The following SORCS2 variants were observed in gnomAD, a reference collection of about 807,000 sequenced individuals.
The protein encoded by SORCS2 is sortilin related VPS10 domain containing receptor 2.
Under a neutral mutation model 141.6 loss-of-function variants are expected in SORCS2, and 100 were observed. That is an observed-to-expected ratio of 0.71 (90% CI 0.60 to 0.83). The LOEUF is 0.83. SORCS2 is among the 40% of genes least tolerant of loss of function. The pLI is 0.00. For synonymous variants in SORCS2, 789 were observed against 676.9 expected, an observed-to-expected ratio of 1.17 and a Z score of -2.57; for missense variants, 1,646 against 1,560.2, an observed-to-expected ratio of 1.05 and a Z score of -0.93.
rs376755804 is a variant in SORCS2 at position 7,318,167 on chromosome 4, T to C, written c.481-78121T>C. On this transcript the variant is annotated intron_variant, in intron 1 of 26. Transcript: ENST00000507866. Reference sequence around the variant, plus strand: ...TGCATATATACTTGGTTTGGTCCTCTTGTGATCCTGTTGGTAGGTATCTGT... The same window carrying C: ...TGCATATATACTTGGTTTGGTCCTCCTGTGATCCTGTTGGTAGGTATCTGT... 1.3e-4 allele frequency among the ~76,000 whole-genome samples: 20 copies of C among 152,324 alleles called. No homozygotes were observed. In the South Asian group the frequency reaches 3.7e-3, roughly 28 times the overall value.
intron 1 of SORCS2, among the ~76,000 whole-genome samples, chr4:7,259,867 C>T (rs528496436): frequency 1.3e-3 from 204 of 152,360 alleles, no homozygotes; most frequent in African/African-American, 4.6e-3. Flanking sequence ...GAGATTTGCT[C>T]ATGCGTGGAG....
intron 3 of SORCS2, among the ~76,000 whole-genome samples, chr4:7,616,841 G>A (rs1281514759): frequency 6.6e-6 from 1 of 152,188 alleles, no homozygotes; most frequent in Admixed American, 6.5e-5. Context: ...ATGTTCCCTC[G>A]ATGGACGTTT....
intron 3 of SORCS2, among the ~76,000 whole-genome samples, chr4:7,560,864 G>A (rs1267096404): frequency 6.6e-6 from 1 of 152,122 alleles, no homozygotes. Context: ...TTTCCCTATC[G>A]ACAGAGGTTC....
In SORCS2 at chr4:7,421,964, C is replaced by T. The variant is rs1003485151; in HGVS notation, c.548+25609C>T. Among the ~76,000 whole-genome samples, 3 of 151,004 alleles carry T rather than the reference C, an allele frequency of 2.0e-5. No homozygotes were observed. The Admixed American group carries it at 2.1e-4, about 10-fold the overall frequency. On this transcript the variant is annotated intron_variant, in intron 2 of 26. Transcript: ENST00000507866. ...CCCCCATGGTCGACCTTGAGATGCT[C>T]ACTTCCCTTGTCGACCCCCACCTCC...
At chr4:7,208,696 T>A (rs1727885819) in intron 1 of SORCS2, among the ~76,000 whole-genome samples, 1 of 152,002 alleles carries the variant, frequency 6.6e-6, no homozygotes, top group Non-Finnish European at 1.5e-5. Flanking sequence ...TTGCATAGGG[T>A]CCCCCAAGTT....
At chr4:7,462,211 G>A (rs74852835) in intron 2 of SORCS2, among the ~76,000 whole-genome samples, 14 of 152,302 alleles carry the variant, frequency 9.2e-5, no homozygotes, top group Non-Finnish European at 1.0e-4. Flanking sequence ...TCTCCTGCCC[G>A]GTGCTTCACG....
intron 1 of SORCS2, among the ~76,000 whole-genome samples, chr4:7,335,137 G>A (rs1413801313): frequency 5.3e-5 from 8 of 152,168 alleles, no homozygotes; most frequent in South Asian, 4.1e-4. Flanking sequence ...AATCTGTGCC[G>A]TGGTCAGATC....
At chr4:7,456,667 C>A (rs1728933616) in intron 2 of SORCS2, among the ~76,000 whole-genome samples, 1 of 152,136 alleles carries the variant, frequency 6.6e-6, no homozygotes, top group Non-Finnish European at 1.5e-5. Context: ...CAAGAGCAAA[C>A]CCTTGGATTT....
intron 10 of SORCS2, among the ~76,000 whole-genome samples, chr4:7,687,903 G>A (rs1292189391): frequency 2.0e-5 from 3 of 152,142 alleles, no homozygotes; most frequent in African/African-American, 7.2e-5. Flanking sequence ...CCAGCCCCTA[G>A]CAACCAACTG....
intron 1 of SORCS2, among the ~76,000 whole-genome samples, chr4:7,388,872 G>A (rs1454021213): frequency 6.6e-6 from 1 of 151,518 alleles, no homozygotes; most frequent in East Asian, 2.0e-4. Flanking sequence ...GTGGATGCGT[G>A]GGTTATTTCT....
rs183228374 is a variant in SORCS2, at chr4:7,704,932, C to T, written c.1868+648C>T. Among the ~76,000 whole-genome samples the T allele has an allele frequency of 2.3e-3, 349 of 152,260 alleles. 1 individual carries two copies. Among genetic ancestry groups the T allele is most frequent in the Non-Finnish European group, 3.9e-3 (265 of 68,002 alleles). On this transcript the variant is annotated intron_variant, in intron 14 of 26. Coordinates refer to ENST00000507866, the MANE Select transcript of SORCS2 (RefSeq NM_020777.3). ...AGGCCTGTGTGTCTAACGGCTCCTG[C>T]GACCCCGCGCTGTGGCACGGTGAGG...
chr4:7,724,894 G>GATT, intron 19 of SORCS2, among the ~76,000 whole-genome samples: 1 of 95,504 alleles, frequency 1.0e-5, no homozygotes, highest in Non-Finnish European at 2.0e-5. Flanking sequence ...TGGTGTTGGT[G>GATT]ATGGTGGTGA....
chr4:7,322,424 G>C (rs542353004), intron 1 of SORCS2, among the ~76,000 whole-genome samples: 1 of 152,330 alleles, frequency 6.6e-6, no homozygotes, highest in Admixed American at 6.5e-5. Flanking sequence ...CTTTCCCGGG[G>C]CCTCATGCAC....
chr4:7,676,875 CTGTG>C (rs1723179331), intron 9 of SORCS2, among the ~76,000 whole-genome samples: 1 of 78,564 alleles, frequency 1.3e-5, no homozygotes, highest in African/African-American at 4.4e-5. Flanking sequence ...CTCTCCCTCT[CTGTG>C]TCTGAAGTTG....
intron 1 of SORCS2, among the ~76,000 whole-genome samples, chr4:7,384,756 C>T (rs185002914): frequency 6.6e-6 from 1 of 152,196 alleles, no homozygotes; most frequent in Admixed American, 6.5e-5. Context: ...CTCCCTGCAT[C>T]CTCGCTTCAG....
intron 1 of SORCS2, among the ~76,000 whole-genome samples, chr4:7,311,307 C>T (rs1718171160): frequency 6.6e-6 from 1 of 152,154 alleles, no homozygotes; most frequent in South Asian, 2.1e-4. Flanking sequence ...ATTTGCTTAT[C>T]CATTTGCTTG....
At chr4:7,472,914 A>C (rs1443973488) in intron 2 of SORCS2, among the ~76,000 whole-genome samples, 1 of 124,110 alleles carries the variant, frequency 8.1e-6, no homozygotes, top group Non-Finnish European at 1.7e-5. Context: ...CAAAGTGTTC[A>C]TCATAAAAAA....
intron 1 of SORCS2, among the ~76,000 whole-genome samples, chr4:7,232,698 G>A (rs1223910679): frequency 1.3e-5 from 2 of 152,168 alleles, no homozygotes; most frequent in East Asian, 1.9e-4. Flanking sequence ...ACACTGTGTC[G>A]ATGCGTGCCC....
chr4:7,411,097 A>AG (rs1467465769), intron 2 of SORCS2, among the ~76,000 whole-genome samples: 1 of 151,634 alleles, frequency 6.6e-6, no homozygotes, highest in Non-Finnish European at 1.5e-5. Context: ...CTGGGACTAC[A>AG]GGCATGCATC....
Sources: gnomAD v4.1 joint callset for allele counts (sites outside exome capture counted in the v4.1 genomes callset) on GRCh38, gnomAD v4.1.1 for gene constraint, MANE v1.5 for transcripts, NCBI Gene and HGNC (gene_info 2026-07-23, HGNC 2026-07-21) for gene names.